The following INSL6 variants were observed in gnomAD, a reference collection of about 807,000 sequenced individuals.
INSL6 encodes insulin-like peptide INSL6.
INSL6 carries 16 observed loss-of-function variants against 9.4 expected under a neutral mutation model. That is an observed-to-expected ratio of 1.70 (90% CI 1.15 to 2.59). The LOEUF (loss-of-function observed/expected upper bound fraction) is 2.59, where lower values mean the gene tolerates loss of function less well. Among genes scored for constraint, INSL6 ranks in the 30% most tolerant of loss-of-function variants. INSL6 has a pLI of 0.00. For synonymous variants in INSL6, 154 were observed against 96.9 expected (o/e 1.59, Z -3.46); for missense variants, 391 against 257.3 (o/e 1.52, Z -3.56).
At chr9:5,040,463 A>G in the INSL6 span, among the ~76,000 whole-genome samples, 6 of 152,354 alleles carry the variant, frequency 3.9e-5, no homozygotes, top group East Asian at 1.2e-3. Context: ...AGGCTTTATC[A>G]AAGTTAAAAA....
chr9:5,165,408 G>A (rs77366474), intron 1 of INSL6, among the ~76,000 whole-genome samples: 1,544 of 152,178 alleles, frequency 0.01, 18 homozygotes, highest in African/African-American at 0.036. Flanking sequence ...GTACAGTAGA[G>A]TTCCAATTTT....
chr9:5,111,324 T>TC, the INSL6 span: 5 of 443,204 alleles, frequency 1.1e-5, no homozygotes, highest in African/African-American at 6.1e-5. Flanking sequence ...CGGACCCCTG[T>TC]CCCCCTCAGG....
At chr9:5,126,811 G>A (rs1427234118) in intron 3 of INSL6, 2 of 1,457,854 alleles carry the variant, frequency 1.4e-6, no homozygotes, top group East Asian at 2.3e-5. Flanking sequence ...CCTTCATTCT[G>A]AGACCAAAGT....
the INSL6 span, among the ~76,000 whole-genome samples, chr9:5,059,056 A>G: frequency 1.3e-5 from 2 of 151,966 alleles, no homozygotes; most frequent in African/African-American, 4.8e-5. Flanking sequence ...TTTGTTGCCT[A>G]TTTTTCTTTT....
At chr9:5,059,082 TAA>T in the INSL6 span, among the ~76,000 whole-genome samples, 1 of 152,324 alleles carries the variant, frequency 6.6e-6, no homozygotes, top group Non-Finnish European at 1.5e-5. Flanking sequence ...TGTTGAGATA[TAA>T]CATGAACCCA....
the INSL6 span, chr9:5,054,579 C>A: frequency 6.3e-7 from 1 of 1,586,818 alleles, no homozygotes; most frequent in Non-Finnish European, 8.6e-7. This position sits in a 1 kb window ranked among gnomAD's most constrained non-coding sequence, Gnocchi z 4.9. Flanking sequence ...GACATTCTTA[C>A]CAAAATGTAT....
At chr9:5,021,730 A>G in the INSL6 span, among the ~76,000 whole-genome samples, 3 of 152,106 alleles carry the variant, frequency 2.0e-5, no homozygotes, top group Admixed American at 1.3e-4. Flanking sequence ...GGTTCAAGCA[A>G]TTCTTCCGCT....
intron 2 of INSL6, among the ~76,000 whole-genome samples, chr9:5,145,249 TG>T (rs1436970487): frequency 6.6e-6 from 1 of 151,078 alleles, no homozygotes; most frequent in African/African-American, 2.4e-5. Flanking sequence ...TATGAAATTC[TG>T]GGTTGGAATT....
chr9:5,122,409 G>C (rs1257663849), downstream of INSL6, among the ~76,000 whole-genome samples: 4 of 151,960 alleles, frequency 2.6e-5, no homozygotes, highest in East Asian at 7.7e-4. Context: ...TCTTGCCTTG[G>C]AACCAATTTT....
the INSL6 span, among the ~76,000 whole-genome samples, chr9:5,042,304 A>ATT: frequency 2.0e-5 from 3 of 150,998 alleles, no homozygotes; most frequent in Non-Finnish European, 4.4e-5. Flanking sequence ...CGCCCGGCTA[A>ATT]TTTTTTGTAT....
chr9:5,088,802 C>T, the INSL6 span, among the ~76,000 whole-genome samples: 1 of 152,184 alleles, frequency 6.6e-6, no homozygotes, highest in African/African-American at 2.4e-5. Flanking sequence ...GTCTCTTCCT[C>T]TTATAAGGGC....
intron 3 of INSL6, among the ~76,000 whole-genome samples, chr9:5,130,058 C>G (rs1382016718): frequency 6.6e-6 from 1 of 152,036 alleles, no homozygotes; most frequent in Admixed American, 6.5e-5. Context: ...AGCCTTATCT[C>G]CAACTGAAAC....
At chr9:5,073,798 A>G in the INSL6 span, 3 of 1,536,686 alleles carry the variant, frequency 2.0e-6, no homozygotes, top group Non-Finnish European at 2.7e-6. Context: ...AAGTAAAACT[A>G]CAGGCTTTCT....
the INSL6 span, chr9:5,065,175 C>A: frequency 2.1e-6 from 1 of 469,276 alleles, no homozygotes; most frequent in East Asian, 3.4e-5. Flanking sequence ...AGGCTATTTG[C>A]AATCAGATTA....
the INSL6 span, chr9:5,098,309 GT>G: frequency 6.6e-6 from 1 of 152,170 alleles, no homozygotes; most frequent in Admixed American, 6.5e-5. Context: ...CTTTGTCAAA[GT>G]TAAGTTATAG....
At chr9:5,139,234 T>C (rs1824443357) in intron 2 of INSL6, among the ~76,000 whole-genome samples, 1 of 152,166 alleles carries the variant, frequency 6.6e-6, no homozygotes, top group South Asian at 2.1e-4. Context: ...AGTATAGCAT[T>C]GTGGCTTTGA....
chr9:5,184,243 T>A lies in INSL6; in HGVS notation c.289+1071A>T, dbSNP rs556812015. Among the ~76,000 whole-genome samples, 4 of 152,386 alleles carry A rather than the reference T, an allele frequency of 2.6e-5. No individual in the cohort carries two copies. The South Asian group carries it at 8.3e-4, about 32-fold the overall frequency. Reference sequence around the variant, plus strand: ...AGGGTCTCTTTTTGGCATGATAGTTTACTCATTTCCTTAATTTCAGAAATC... The same window carrying A: ...AGGGTCTCTTTTTGGCATGATAGTTAACTCATTTCCTTAATTTCAGAAATC... On this transcript the variant is annotated intron_variant, in intron 1 of 1. Transcript: ENST00000381641.
chr9:5,087,325 G>A, the INSL6 span, among the ~76,000 whole-genome samples: 1 of 152,172 alleles, frequency 6.6e-6, no homozygotes, highest in Non-Finnish European at 1.5e-5. Context: ...AAAACCATCA[G>A]ATCTCATGAG....
the INSL6 span, chr9:5,073,636 T>C: frequency 3.3e-6 from 4 of 1,221,448 alleles, no homozygotes; most frequent in East Asian, 2.3e-5. Context: ...CAGAGAGAAT[T>C]TTCTGAACTA....
Sources: allele counts gnomAD v4.1 joint callset (sites outside exome capture counted in the v4.1 genomes callset), GRCh38; gene constraint gnomAD v4.1.1; non-coding constraint Gnocchi (gnomAD v3.1); transcripts MANE v1.5; gene names NCBI Gene and HGNC (gene_info 2026-07-23, HGNC 2026-07-21).